The following LEKR1 variants were observed in gnomAD, a reference collection of about 807,000 sequenced individuals.
LEKR1 encodes protein LEKR1.
LEKR1 carries 59 observed loss-of-function variants against 72.4 expected under a neutral mutation model. The observed-to-expected ratio is 0.82, with a 90% CI of 0.66 to 1.01. The LOEUF (loss-of-function observed/expected upper bound fraction) is 1.01. LEKR1 is among the 50% of genes least tolerant of loss of function. LEKR1 has a pLI of 0.00. For synonymous variants in LEKR1, 257 were observed against 263.2 expected, an observed-to-expected ratio of 0.98 and a Z score of 0.23; for missense variants, 728 against 759.2, an observed-to-expected ratio of 0.96 and a Z score of 0.48.
Position 156,992,991 on chromosome 3 carries a change from A to G in LEKR1, c.906-83A>G, listed in dbSNP as rs1294070780. On this transcript the variant is annotated intron_variant, in intron 8 of 12. Transcript: ENST00000356539. ...GTTACAGTTATAATCTATAATTTCA[A>G]ATGAGCTCTTGATACATCTTTGGTA... 1.5e-5 allele frequency: 10 copies of G among 686,280 alleles called. No homozygotes were observed. In the East Asian group the frequency reaches 2.5e-4, roughly 17 times the overall value. The allele number at this position is 686,280 out of a possible 1,614,324, so 42.5% of individuals were successfully genotyped here.
At chr3:157,008,825 T>A (rs186275154) in intron 9 of LEKR1, among the ~76,000 whole-genome samples, 2 of 152,330 alleles carry the variant, frequency 1.3e-5, no homozygotes, top group Non-Finnish European at 2.9e-5. Flanking sequence ...AATATTATGT[T>A]CCTGAGATTT....
intron 3 of LEKR1, among the ~76,000 whole-genome samples, chr3:156,906,811 T>A (rs753034674): frequency 6.6e-6 from 1 of 152,172 alleles, no homozygotes; most frequent in Non-Finnish European, 1.5e-5. Flanking sequence ...TGGATAAATA[T>A]ATACTAAAGA....
At chr3:156,989,119 G>A (rs1223905567) in intron 7 of LEKR1, among the ~76,000 whole-genome samples, 5 of 152,092 alleles carry the variant, frequency 3.3e-5, no homozygotes, top group African/African-American at 7.2e-5. Flanking sequence ...GTGAGCCACC[G>A]TGCCCAGCCA....
At chr3:156,999,856 C>T (rs913401699) in intron 9 of LEKR1, among the ~76,000 whole-genome samples, 1 of 152,172 alleles carries the variant, frequency 6.6e-6, no homozygotes, top group African/African-American at 2.4e-5. Context: ...AGGACATTAA[C>T]GTTAATTTAA....
chr3:156,916,345 T>C (rs1723647900), intron 3 of LEKR1, among the ~76,000 whole-genome samples: 1 of 152,156 alleles, frequency 6.6e-6, no homozygotes, highest in Non-Finnish European at 1.5e-5. Context: ...TAAATTGCTT[T>C]GGGTGGTATG....
intron 3 of LEKR1, among the ~76,000 whole-genome samples, chr3:156,902,116 A>G (rs956841697): frequency 5.3e-5 from 8 of 152,198 alleles, no homozygotes; most frequent in African/African-American, 1.9e-4. Context: ...GGGTGCATTA[A>G]TAAATGGGTT....
chr3:156,855,523 T>G (rs1715956580), intron 3 of LEKR1, among the ~76,000 whole-genome samples: 1 of 152,174 alleles, frequency 6.6e-6, no homozygotes, highest in African/African-American at 2.4e-5. Flanking sequence ...GGCATTATAC[T>G]GTGTTTATAT....
Position 156,993,179 on chromosome 3 carries a change from C to A in LEKR1, c.1011C>A (p.Asp337Glu). 1 of 1,611,218 alleles carries A rather than the reference C, an allele frequency of 6.2e-7. No homozygotes were observed. The change falls in exon 9 of 13, where the codon GAC becomes GAA. Residue 337 changes from aspartate (D) to glutamate (E), a missense_variant. Asp to Glu is a conservative substitution (Grantham distance 45). Transcript: ENST00000356539. ...ELTVKEKQEE[D>E]IKRRINLAEN... ...CTGTGAAAGAAAAGCAAGAAGAAGA[C>A]ATAAAGAGAAGAATTAACCTTGCAG... is the stretch of plus-strand genomic sequence containing the variant.
intron 3 of LEKR1, among the ~76,000 whole-genome samples, chr3:156,899,371 CATAT>C (rs1222830407): frequency 9.6e-6 from 1 of 104,062 alleles, no homozygotes; most frequent in African/African-American, 4.0e-5. Context: ...TACATATATA[CATAT>C]ATACACATAT....
intron 9 of LEKR1, among the ~76,000 whole-genome samples, chr3:157,009,547 T>C (rs1430874922): frequency 6.6e-6 from 1 of 152,154 alleles, no homozygotes; most frequent in Non-Finnish European, 1.5e-5. Flanking sequence ...AGGTTCTAGA[T>C]GTGAACCTAA....
intron 3 of LEKR1, among the ~76,000 whole-genome samples, chr3:156,881,780 A>G (rs1719387971): frequency 8.7e-6 from 1 of 115,088 alleles, no homozygotes; most frequent in East Asian, 2.5e-4. Flanking sequence ...CCAAAACAGC[A>G]TGGTACTGGT....
At chr3:156,832,145 T>C (rs956372644) in intron 2 of LEKR1, among the ~76,000 whole-genome samples, 15 of 152,196 alleles carry the variant, frequency 9.9e-5, no homozygotes, top group African/African-American at 3.1e-4. Flanking sequence ...TAAGAAAACA[T>C]TGGTGCTCTT....
intron 2 of LEKR1, among the ~76,000 whole-genome samples, chr3:156,852,357 G>T (rs1474948134): frequency 6.6e-6 from 1 of 152,124 alleles, no homozygotes; most frequent in East Asian, 1.9e-4. Context: ...TACAGATGAG[G>T]AAAATAAGAT....
chr3:157,010,867 A>T (rs1732833455), intron 9 of LEKR1, among the ~76,000 whole-genome samples: 1 of 152,108 alleles, frequency 6.6e-6, no homozygotes, highest in South Asian at 2.1e-4. Flanking sequence ...GTTTTATGCT[A>T]TATTGCATCC....
intron 9 of LEKR1, among the ~76,000 whole-genome samples, chr3:156,998,881 G>T (rs576962358): frequency 6.6e-6 from 1 of 151,990 alleles, no homozygotes; most frequent in South Asian, 2.1e-4. Flanking sequence ...CACTGATATG[G>T]TTTGGCTGTG....
intron 10 of LEKR1, 31 bp from the exon 11 acceptor site, chr3:157,024,729 G>C: frequency 6.5e-7 from 1 of 1,548,940 alleles, no homozygotes; most frequent in Non-Finnish European, 8.7e-7. Context: ...GGTAAAAATA[G>C]TTTTACATGT....
chr3:156,979,761 G>T (rs1158486077), intron 7 of LEKR1: 5 of 152,158 alleles, frequency 3.3e-5, no homozygotes, highest in African/African-American at 7.2e-5. Flanking sequence ...TGGAAAACAC[G>T]TGATAAGAAA....
intron 3 of LEKR1, among the ~76,000 whole-genome samples, chr3:156,903,262 CTT>C (rs1478499811): frequency 2.6e-5 from 4 of 151,926 alleles, no homozygotes; most frequent in African/African-American, 9.7e-5. Flanking sequence ...TTTGATATAT[CTT>C]TGTTAATTTG....
At chr3:156,984,098 G>A (rs991033102) in intron 7 of LEKR1, among the ~76,000 whole-genome samples, 3 of 152,190 alleles carry the variant, frequency 2.0e-5, no homozygotes, top group Non-Finnish European at 2.9e-5. Flanking sequence ...TTAGGAATTC[G>A]GGAGATTAGA....
Sources: gnomAD v4.1 joint callset for allele counts (sites outside exome capture counted in the v4.1 genomes callset) on GRCh38, gnomAD v4.1.1 for gene constraint, MANE v1.5 for transcripts, NCBI Gene and HGNC (gene_info 2026-07-23, HGNC 2026-07-21) for gene names.